The following DMD variants were observed in gnomAD, a reference collection of about 807,000 sequenced individuals.
DMD encodes the protein dystrophin, also known as mutant dystrophin.
In DMD, 63 loss-of-function variants were observed where a neutral mutation model predicts 330.1. The ratio of observed to expected loss-of-function variants is 0.19; its 90% CI spans 0.16 to 0.24. The LOEUF (loss-of-function observed/expected upper bound fraction) is 0.24. Ranked by LOEUF, DMD falls within the 10% of genes least tolerant of loss-of-function variation. The probability of loss-of-function intolerance (pLI) is 1.00; values close to 1 mark genes in which losing one functional copy is unlikely to be tolerated. For missense variants in DMD, 3,344 were observed against 2,684.1 expected (o/e 1.25, Z -5.43); for synonymous variants, 1,223 against 959.8 (o/e 1.27, Z -5.07).
chrX:32,661,048 A>G (rs1027943313), intron 9 of DMD, among the ~76,000 whole-genome samples: 2 of 111,424 alleles, frequency 1.8e-5, no homozygotes, highest in African/African-American at 3.3e-5. Context: ...GATATCAAGT[A>G]CCATATATTA....
chrX:32,595,725 C>T (rs1569273664), intron 13 of DMD, 32 bp downstream of exon 13: 1 of 1,196,771 alleles, frequency 8.4e-7, no homozygotes, highest in Admixed American at 2.2e-5. Context: ...TTTTAAAGGA[C>T]ATATTTAGTT....
chrX:32,443,015 T>C (rs2098288420), intron 27 of DMD, among the ~76,000 whole-genome samples: 1 of 110,917 alleles, frequency 9.0e-6, no homozygotes, highest in African/African-American at 3.3e-5. Context: ...TGATTATGTC[T>C]ATTGGGGAAA....
At chrX:32,898,315 T>C (rs2085918220) in intron 2 of DMD, among the ~76,000 whole-genome samples, 1 of 112,042 alleles carries the variant, frequency 8.9e-6, no homozygotes, top group South Asian at 3.7e-4. Context: ...TAGCCATTGA[T>C]CTAATTCAGG....
At chrX:32,632,258 G>C (rs1488878981) in intron 11 of DMD, among the ~76,000 whole-genome samples, 1 of 112,005 alleles carries the variant, frequency 8.9e-6, no homozygotes, top group East Asian at 2.8e-4. Flanking sequence ...ACTGGTGGGA[G>C]TGGTGTGCTC....
chrX:31,201,191 A>G (rs868019259), intron 67 of DMD, among the ~76,000 whole-genome samples: 1 of 93,762 alleles, frequency 1.1e-5, no homozygotes, highest in Non-Finnish European at 2.3e-5. Context: ...ACACACACAC[A>G]CACACACGCA....
At chrX:32,372,007 C>T (rs1372723262) in intron 34 of DMD, among the ~76,000 whole-genome samples, 2 of 111,245 alleles carry the variant, frequency 1.8e-5, no homozygotes, top group Non-Finnish European at 3.8e-5. Flanking sequence ...GAAAATAAGA[C>T]TTCTTATGAT....
chrX:33,042,336 T>G (rs2094315252), intron 1 of DMD, among the ~76,000 whole-genome samples: 1 of 111,400 alleles, frequency 9.0e-6, no homozygotes, highest in Admixed American at 9.8e-5. Context: ...AAACTTTCTA[T>G]TAATATATCA....
At chrX:32,331,547 G>A (rs1207576283) in intron 41 of DMD, among the ~76,000 whole-genome samples, 1 of 110,737 alleles carries the variant, frequency 9.0e-6, no homozygotes, top group African/African-American at 3.3e-5. Context: ...ATTTCCACTT[G>A]ATAGAAAAAT....
chrX:31,651,853 G>A (rs1913586374), intron 54 of DMD, among the ~76,000 whole-genome samples: 2 of 111,444 alleles, frequency 1.8e-5, no homozygotes, highest in Admixed American at 1.9e-4. Context: ...TTTCCTAATG[G>A]TCTCACTACT....
At chrX:32,491,247 G>T (rs755892535) in intron 20 of DMD, 30 bp downstream of exon 20, 1 of 1,207,252 alleles carries the variant, frequency 8.3e-7, no homozygotes, top group South Asian at 1.8e-5. Context: ...TATTGATTAT[G>T]CTCCAAATGG....
chrX:33,194,227 A>T (rs1029789750), intron 1 of DMD, among the ~76,000 whole-genome samples: 2 of 110,280 alleles, frequency 1.8e-5, no homozygotes, highest in Non-Finnish European at 3.8e-5. Flanking sequence ...ATGAATTAGA[A>T]CTCTACTCTT....
At chrX:32,250,609 G>A (rs924555143) in intron 43 of DMD, among the ~76,000 whole-genome samples, 11 of 111,971 alleles carry the variant, frequency 9.8e-5, no homozygotes, top group Non-Finnish European at 1.7e-4. Context: ...GGACATGACG[G>A]AAACAGTGAA....
chrX:32,261,864 T>C (rs760189091), intron 43 of DMD, among the ~76,000 whole-genome samples: 15 of 111,565 alleles, frequency 1.3e-4, no homozygotes, highest in African/African-American at 4.5e-4. Flanking sequence ...GAGCAGAATA[T>C]TAGGTGAGAA....
chrX:33,074,292 A>G (rs903625086), intron 1 of DMD, among the ~76,000 whole-genome samples: 7 of 111,784 alleles, frequency 6.3e-5, no homozygotes, highest in African/African-American at 2.3e-4. Context: ...TCTGACCACA[A>G]GGCACCCCTG....
chrX:33,046,348 A>T (rs184673403), intron 1 of DMD, among the ~76,000 whole-genome samples: 15,142 of 110,147 alleles, frequency 0.14, 865 homozygotes, highest in African/African-American at 0.17. Flanking sequence ...TGATACTGAA[A>T]TTTTTTTTTC....
intron 1 of DMD, among the ~76,000 whole-genome samples, chrX:33,294,023 T>A (rs1294403189): frequency 3.6e-5 from 4 of 111,272 alleles, no homozygotes; most frequent in Non-Finnish European, 5.7e-5. Context: ...CAGCTTCTGC[T>A]GATAAGTAAA....
chrX:32,772,794 G>A (rs1345936678), intron 7 of DMD, among the ~76,000 whole-genome samples: 2 of 111,704 alleles, frequency 1.8e-5, no homozygotes, highest in East Asian at 5.6e-4. Flanking sequence ...CCTATATCAA[G>A]CAAGAGTCCC....
Position 31,383,212 on chromosome X carries a change from G to A in DMD, c.9085-34578C>T, listed in dbSNP as rs191887615. ...ACCAGAGGACAACCCCCCTTTGACT[G>A]TAATTTTCCTTAACCTACCCAAATC... On this transcript the variant is annotated intron_variant, in intron 60 of 78. Coordinates refer to ENST00000357033, the MANE Select transcript of DMD (RefSeq NM_004006.3). Among the ~76,000 whole-genome samples, 277 of 110,939 alleles carry A rather than the reference G, an allele frequency of 2.5e-3. 1 individual carries two copies. Among genetic ancestry groups the A allele is most frequent in the African/African-American group, 8.5e-3 (259 of 30,468 alleles).
At chrX:33,157,073 G>A (rs1241034886) in intron 1 of DMD, among the ~76,000 whole-genome samples, 1 of 111,686 alleles carries the variant, frequency 9.0e-6, no homozygotes, top group Non-Finnish European at 1.9e-5. Context: ...TTAGTTTCCT[G>A]CGGCTGCTGT....
Sources: allele counts gnomAD v4.1 joint callset (sites outside exome capture counted in the v4.1 genomes callset), GRCh38; gene constraint gnomAD v4.1.1; transcripts MANE v1.5; gene names NCBI Gene and HGNC (gene_info 2026-07-23, HGNC 2026-07-21).